Variants in BBX observed in about 807,000 individuals in gnomAD.
BBX encodes HMG box transcription factor BBX.
In BBX, 30 loss-of-function variants were observed where a neutral mutation model predicts 100.2. That is an observed-to-expected ratio of 0.30 (90% CI 0.22 to 0.41). The LOEUF is 0.41. Among genes scored for constraint, BBX ranks in the 10% least tolerant of loss-of-function variants. The pLI is 1.00. For synonymous variants in BBX, 376 were observed against 388.1 expected, an observed-to-expected ratio of 0.97 and a Z score of 0.37; for missense variants, 1,023 against 1,129.8, an observed-to-expected ratio of 0.91 and a Z score of 1.35.
At chr3:107,703,561 G>A (rs921797576) in intron 3 of BBX, among the ~76,000 whole-genome samples, 6 of 152,092 alleles carry the variant, frequency 3.9e-5, no homozygotes, top group African/African-American at 7.2e-5. Flanking sequence ...TTGAATAGTG[G>A]GTGCCTTATT....
intron 2 of BBX, among the ~76,000 whole-genome samples, chr3:107,644,079 TG>T (rs2057378542): frequency 6.6e-6 from 1 of 152,174 alleles, no homozygotes; most frequent in Non-Finnish European, 1.5e-5. Context: ...AATAAATTAT[TG>T]AACAGTTATC....
chr3:107,773,485 A>G lies in BBX; in HGVS notation c.1764A>G (p.Leu588=), dbSNP rs909413001. Reference sequence around the variant, plus strand: ...TGGAAGATGCACTACCACCCAGCCTATCAGGACAGGCCAAGCCTGAGGACA... The same window carrying G: ...TGGAAGATGCACTACCACCCAGCCTGTCAGGACAGGCCAAGCCTGAGGACA... ...TPMEDALPPS[L]SGQAKPEDSD... is the part of the protein sequence containing the mutation. The change falls in exon 11 of 18, where the codon CTA becomes CTG. Residue 588 remains leucine (L), a synonymous_variant. Coordinates refer to ENST00000325805, the MANE Select transcript of BBX (RefSeq NM_001142568.3). This position sits in a 1 kb window ranked among gnomAD's most constrained non-coding sequence, Gnocchi z 4.1. 6 of 1,614,128 alleles carry G rather than the reference A, an allele frequency of 3.7e-6. No homozygotes were observed. The highest frequency in any genetic ancestry group is 2.7e-5 in the African/African-American group (2 of 75,056).
In BBX at chr3:107,594,787, C is replaced by G. The variant is rs1267688799; in HGVS notation, c.-83-51049C>G. ...TTATTTTTAAATTTTTGCACTGCCC[C>G]TTGCCTGAAGAAAAAAAAAATTTGA... On this transcript the variant is annotated intron_variant, in intron 2 of 17. Transcript: ENST00000325805. 1.2e-4 allele frequency among the ~76,000 whole-genome samples: 19 copies of G among 152,054 alleles called. No homozygotes were observed. In the East Asian group the frequency reaches 3.3e-3, roughly 26 times the overall value.
At chr3:107,738,326 A>G (rs1324219517) in intron 7 of BBX, among the ~76,000 whole-genome samples, 1 of 152,168 alleles carries the variant, frequency 6.6e-6, no homozygotes, top group Non-Finnish European at 1.5e-5. Flanking sequence ...GAAGACTAAG[A>G]AACTTGGGAT....
chr3:107,571,067 G>A (rs181101649), intron 2 of BBX, among the ~76,000 whole-genome samples: 27 of 152,290 alleles, frequency 1.8e-4, no homozygotes, highest in Admixed American at 2.6e-4. Flanking sequence ...TAGGTTTTAG[G>A]TCAGGCAAGA....
At chr3:107,666,246 C>G (rs1381925093) in intron 3 of BBX, among the ~76,000 whole-genome samples, 1 of 152,148 alleles carries the variant, frequency 6.6e-6, no homozygotes, top group Non-Finnish European at 1.5e-5. Flanking sequence ...GGACAGAGAG[C>G]TATGTATTTG....
rs75406186 is a variant in BBX, at chr3:107,610,816, A to G, written c.-83-35020A>G. Among the ~76,000 whole-genome samples the G allele has an allele frequency of 3.6e-3, 536 of 148,162 alleles. 5 individuals are homozygous for G. Among genetic ancestry groups the G allele is most frequent in the African/African-American group, 0.013 (518 of 40,044 alleles). ...TTTTTTTTTTAAGCATTTAATCACT[A>G]TGTCTTTTGATGGGAGAGTTTAGTC... On this transcript the variant is annotated intron_variant, in intron 2 of 17. Transcript: ENST00000325805.
chr3:107,642,570 A>T (rs1426449607), intron 2 of BBX, among the ~76,000 whole-genome samples: 2 of 152,182 alleles, frequency 1.3e-5, no homozygotes, highest in Non-Finnish European at 2.9e-5. Flanking sequence ...CTTAAATTAG[A>T]AATACAGTCT....
chr3:107,798,817 TAACA>T, intron 16 of BBX, 97 bp downstream of exon 16: 1 of 986,772 alleles, frequency 1.0e-6, no homozygotes, highest in Non-Finnish European at 1.5e-6. Flanking sequence ...TGAAATACAC[TAACA>T]ATAGCCAATG....
chr3:107,670,916 T>C (rs1020193999), intron 3 of BBX, among the ~76,000 whole-genome samples: 3 of 152,158 alleles, frequency 2.0e-5, no homozygotes, highest in African/African-American at 7.2e-5. Context: ...TAATTGATGC[T>C]AGCTTTTTAT....
intron 2 of BBX, among the ~76,000 whole-genome samples, chr3:107,617,465 A>G (rs1334888735): frequency 6.6e-6 from 1 of 152,006 alleles, no homozygotes; most frequent in Non-Finnish European, 1.5e-5. Flanking sequence ...CAATTTGGAG[A>G]GAATTGCCAT....
chr3:107,780,454 A>T (rs966067619), intron 13 of BBX, among the ~76,000 whole-genome samples: 1 of 152,018 alleles, frequency 6.6e-6, no homozygotes, highest in Non-Finnish European at 1.5e-5. Context: ...TTTCTCTCCC[A>T]GCTGAGATTA....
intron 3 of BBX, among the ~76,000 whole-genome samples, chr3:107,701,008 A>C (rs2061005733): frequency 6.6e-6 from 1 of 151,792 alleles, no homozygotes; most frequent in South Asian, 2.1e-4. Context: ...TCCCTGAGGG[A>C]TCGCCACACT....
intron 3 of BBX, among the ~76,000 whole-genome samples, chr3:107,661,126 T>G (rs2058423868): frequency 6.6e-6 from 1 of 152,244 alleles, no homozygotes. Flanking sequence ...AATTTTTTTA[T>G]CATTCTGATA....
intron 2 of BBX, among the ~76,000 whole-genome samples, chr3:107,579,753 A>G (rs1265276579): frequency 6.6e-6 from 1 of 152,168 alleles, no homozygotes; most frequent in Non-Finnish European, 1.5e-5. Flanking sequence ...GTTCTTCCCC[A>G]GTTTGCATAC....
At chr3:107,577,774 A>G (rs1038429601) in intron 2 of BBX, among the ~76,000 whole-genome samples, 1 of 152,190 alleles carries the variant, frequency 6.6e-6, no homozygotes, top group Non-Finnish European at 1.5e-5. Flanking sequence ...TATCAAATGA[A>G]CAAAGGGTAG....
At chr3:107,711,701 G>T (rs1326119043) in intron 4 of BBX, among the ~76,000 whole-genome samples, 3 of 152,022 alleles carry the variant, frequency 2.0e-5, no homozygotes, top group African/African-American at 7.2e-5. Context: ...AGAGAAACAG[G>T]TTTTATTCTT....
In BBX at chr3:107,745,617, T is replaced by A. The variant is rs1220183343; in HGVS notation, c.750+907T>A. Among the ~76,000 whole-genome samples, 5 of 152,002 alleles carry A rather than the reference T, an allele frequency of 3.3e-5. No individual in the cohort carries two copies. The East Asian group carries it at 7.7e-4, about 23-fold the overall frequency. On this transcript the variant is annotated intron_variant, in intron 8 of 17. Transcript: ENST00000325805. ...CTAGGACTGCAGGCACATGCCACCA[T>A]GCCCAACTAATTTTTTTTTTTAAAC...
intron 2 of BBX, among the ~76,000 whole-genome samples, chr3:107,571,030 C>T (rs893549676): frequency 3.3e-5 from 5 of 152,028 alleles, no homozygotes; most frequent in East Asian, 1.9e-4. Context: ...TGGGGCCAAG[C>T]GGTGTTGCAG....
Sources: gnomAD v4.1 joint callset for allele counts (sites outside exome capture counted in the v4.1 genomes callset) on GRCh38, gnomAD v4.1.1 for gene constraint, Gnocchi (gnomAD v3.1) non-coding constraint, MANE v1.5 for transcripts, NCBI Gene and HGNC (gene_info 2026-07-23, HGNC 2026-07-21) for gene names.